Variants in TDRD9 observed in about 807,000 individuals in gnomAD.
TDRD9 encodes ATP-dependent RNA helicase TDRD9.
Under a neutral mutation model 172.6 loss-of-function variants are expected in TDRD9, and 124 were observed. The observed-to-expected ratio is 0.72, with a 90% confidence interval of 0.62 to 0.83. The LOEUF (loss-of-function observed/expected upper bound fraction) is 0.83, where lower values mean the gene tolerates loss of function less well. Ranked by LOEUF, TDRD9 falls within the 40% of genes least tolerant of loss-of-function variation. The pLI is 0.00. For synonymous variants in TDRD9, 619 were observed against 617.1 expected (o/e 1.00, Z -0.05); for missense variants, 1,479 against 1,714.1 (o/e 0.86, Z 2.42).
intron 12 of TDRD9, among the ~76,000 whole-genome samples, chr14:103,998,180 G>A (rs982441072): frequency 1.3e-4 from 1 of 7,910 alleles, no homozygotes; most frequent in Admixed American, 8.3e-4. Flanking sequence ...ACCCACCCAC[G>A]CGTACAGATG....
chr14:104,012,326 A>G (rs2034638483), intron 20 of TDRD9, among the ~76,000 whole-genome samples: 1 of 152,248 alleles, frequency 6.6e-6, no homozygotes, highest in African/African-American at 2.4e-5. Flanking sequence ...GCCAGGGCCA[A>G]GCCTTTCTCT....
chr14:103,965,536 A>G lies in TDRD9; in HGVS notation c.624A>G (p.Gly208=). 8.1e-7 allele frequency: 1 copy of G among 1,227,644 alleles called. No individual in the cohort carries two copies. The highest frequency in any genetic ancestry group is 1.1e-6 in the Non-Finnish European group (1 of 916,680). The allele number at this position is 1,227,644 out of a possible 1,614,324, so 76.0% of individuals were successfully genotyped here. The change falls in exon 4 of 36, where the codon GGA becomes GGG. Residue 208 remains glycine (G), a synonymous_variant. Coordinates refer to ENST00000409874, the MANE Select transcript of TDRD9 (RefSeq NM_153046.3). ...WISKERAWTL[G]GVVGYQVGLE... is the part of the protein sequence containing the mutation. ...GTAAAGAGCGTGCCTGGACCCTGGG[A>G]GGTGTGGTGGGCTACCAGGTGAGAC...
chr14:104,038,959 C>T (rs527716062), intron 32 of TDRD9, among the ~76,000 whole-genome samples: 14 of 152,236 alleles, frequency 9.2e-5, no homozygotes, highest in African/African-American at 3.1e-4. Flanking sequence ...CGTGAGCCAC[C>T]GTGCCCAGTA....
intron 2 of TDRD9, among the ~76,000 whole-genome samples, chr14:103,956,426 G>C (rs2032246531): frequency 6.6e-6 from 1 of 151,592 alleles, no homozygotes; most frequent in African/African-American, 2.4e-5. Context: ...AACAGAGTGA[G>C]ACTCCGTCTC....
chr14:103,998,213 G>C (rs1011218032), intron 12 of TDRD9, among the ~76,000 whole-genome samples: 1 of 115,478 alleles, frequency 8.7e-6, no homozygotes, highest in Non-Finnish European at 1.6e-5. Context: ...CACCCATCCA[G>C]ACACACACAT....
In TDRD9 at chr14:104,032,015, A is replaced by G. The variant is rs1258434294; in HGVS notation, c.3439-2A>G. ...AACACTTCCTATATTTTGTGCACGC[A>G]GGCAGAACTTCACGGGCCTTTTAAC... is the stretch of plus-strand genomic sequence containing the variant. On this transcript the variant is annotated splice_acceptor_variant, in intron 29 of 35. Transcript: ENST00000409874. LOFTEE classifies it high-confidence loss of function. The G allele has an allele frequency of 3.9e-6, 6 of 1,545,008 alleles. No homozygotes were observed. The highest frequency in any genetic ancestry group is 2.5e-5 in the East Asian group (1 of 40,782).
rs1441220201 is a variant in TDRD9, at chr14:104,025,781, G to GT, written c.2931+10dup. On this transcript the variant is annotated splice_donor_region_variant and intron_variant, in intron 26 of 35. Transcript: ENST00000409874. ...GTTTCTGGAAATTCTGCTGAGGTAG[G>GT]TTTTTCTGTAACAAGTCACTGGAAG... 6.2e-7 allele frequency: 1 copy of GT among 1,609,320 alleles called. No homozygotes were observed. The highest frequency in any genetic ancestry group is 8.5e-7 in the Non-Finnish European group (1 of 1,175,932).
Position 104,051,893 on chromosome 14 carries a change from G to C in TDRD9, c.4048-88G>C, listed in dbSNP as rs963415674. ...TTTTTGGAGAACTGAATTATACTTT[G>C]TGCATCCTGGATGTTAATGCATGTG... On this transcript the variant is annotated intron_variant, in intron 35 of 35. Transcript: ENST00000409874. 4.0e-6 allele frequency: 3 copies of C among 748,466 alleles called. No homozygotes were observed. The East Asian group carries it at 8.4e-5, about 21-fold the overall frequency. The allele number at this position is 748,466 out of a possible 1,614,324, so 46.4% of individuals were successfully genotyped here. A position where few individuals can be genotyped will look rare whatever the true frequency, so the allele number is the denominator to read the frequency against.
At chr14:104,044,083 CA>C (rs2035692207) in intron 34 of TDRD9, among the ~76,000 whole-genome samples, 1 of 152,166 alleles carries the variant, frequency 6.6e-6, no homozygotes, top group African/African-American at 2.4e-5. Flanking sequence ...CCTGCTGCCA[CA>C]TAAGAGAGGG....
At chr14:104,039,580 G>C (rs983241675) in intron 32 of TDRD9, among the ~76,000 whole-genome samples, 2 of 152,198 alleles carry the variant, frequency 1.3e-5, no homozygotes. Flanking sequence ...GGAATTGGTC[G>C]GAAAGTTGTT....
At chr14:103,946,278 A>G (rs2031554630) in intron 1 of TDRD9, among the ~76,000 whole-genome samples, 1 of 152,174 alleles carries the variant, frequency 6.6e-6, no homozygotes. Flanking sequence ...CCTGTTTTTA[A>G]TTCATTTTGC....
chr14:103,938,436 ATATAT>A (rs1356958114), intron 1 of TDRD9, among the ~76,000 whole-genome samples: 11 of 40,566 alleles, frequency 2.7e-4, no homozygotes, highest in African/African-American at 1.1e-3. Flanking sequence ...ATATATATAT[ATATAT>A]TTTTTTTTTT....
At chr14:104,020,578 A>G (rs2034922807) in intron 23 of TDRD9, among the ~76,000 whole-genome samples, 1 of 152,220 alleles carries the variant, frequency 6.6e-6, no homozygotes, top group Admixed American at 6.5e-5. Flanking sequence ...AGTGGGTGGA[A>G]GGAAAATGCG....
intron 25 of TDRD9, among the ~76,000 whole-genome samples, chr14:104,025,136 C>CA (rs1270123553): frequency 1.3e-5 from 2 of 152,136 alleles, no homozygotes; most frequent in Non-Finnish European, 2.9e-5. Flanking sequence ...TGTGTGCCAC[C>CA]ATGCCCGGGT....
chr14:103,955,347 CAG>C (rs1011163377), intron 1 of TDRD9, among the ~76,000 whole-genome samples: 1 of 152,124 alleles, frequency 6.6e-6, no homozygotes, highest in African/African-American at 2.4e-5. Flanking sequence ...GCCTGGGTGA[CAG>C]AGAGAGACCT....
intron 30 of TDRD9, among the ~76,000 whole-genome samples, chr14:104,033,727 A>T (rs905081020): frequency 5.9e-5 from 9 of 152,148 alleles, no homozygotes; most frequent in Non-Finnish European, 1.3e-4. Context: ...GGTCGGGATC[A>T]TGCACGAGGG....
chr14:103,980,134 G>A lies in TDRD9; in HGVS notation c.1011+4581G>A, dbSNP rs533937360. Among the ~76,000 whole-genome samples the A allele has an allele frequency of 8.5e-5, 13 of 152,168 alleles. No homozygotes were observed. In the South Asian group the frequency reaches 1.0e-3, roughly 12 times the overall value. On this transcript the variant is annotated intron_variant, in intron 7 of 35. Coordinates refer to ENST00000409874, the MANE Select transcript of TDRD9 (RefSeq NM_153046.3). The surrounding 1 kb of genome is among the most constrained non-coding windows in gnomAD (Gnocchi z 4.5). Reference sequence around the variant, plus strand: ...CTGTAGGGACCAGCCCCACAGGGTCGGTGGGTTTTTCTCCCCGTGTGCAGA... The same window carrying A: ...CTGTAGGGACCAGCCCCACAGGGTCAGTGGGTTTTTCTCCCCGTGTGCAGA...
At position 103,997,329 on chromosome 14, in the gene TDRD9, G is replaced by A. The variant is rs2034092478; in HGVS notation, c.1379-1295G>A. Among the ~76,000 whole-genome samples, 1 of 152,124 alleles carries A rather than the reference G, an allele frequency of 6.6e-6. No homozygotes were observed. Among genetic ancestry groups the A allele is most frequent in the Non-Finnish European group, 1.5e-5 (1 of 68,016 alleles). On this transcript the variant is annotated intron_variant, in intron 12 of 35. Transcript: ENST00000409874. This position sits in a 1 kb window ranked among gnomAD's most constrained non-coding sequence, Gnocchi z 5.1. The stretch of plus-strand genomic sequence containing the variant: ...GGTAGATCCCAGGGAGATTCTGAAG[G>A]CAGAGCTGGGGAGGATGTGCTGAGG...
At chr14:103,971,280 G>A (rs990745567) in intron 6 of TDRD9, among the ~76,000 whole-genome samples, 31 of 149,726 alleles carry the variant, frequency 2.1e-4, no homozygotes, top group African/African-American at 7.0e-4. Context: ...ACCGCGCCTG[G>A]CCCAGGGCTG....
Sources: allele counts gnomAD v4.1 joint callset (sites outside exome capture counted in the v4.1 genomes callset), GRCh38; gene constraint gnomAD v4.1.1; non-coding constraint Gnocchi (gnomAD v3.1); transcripts MANE v1.5; gene names NCBI Gene and HGNC (gene_info 2026-07-23, HGNC 2026-07-21).